SPPL3: variants seen among roughly 807,000 people sequenced by gnomAD.
SPPL3 encodes the protein signal peptide peptidase like 3, also known as signal peptide peptidase-like 3.
Under a neutral mutation model 42.4 loss-of-function variants are expected in SPPL3, and 5 were observed. The ratio of observed to expected loss-of-function variants is 0.12; its 90% CI spans 0.06 to 0.25. The LOEUF is 0.25. Ranked by LOEUF, SPPL3 falls within the 10% of genes least tolerant of loss-of-function variation. The pLI is 1.00. For missense variants in SPPL3, 235 were observed against 489.0 expected, an observed-to-expected ratio of 0.48 and a Z score of 4.90; for synonymous variants, 195 against 181.8, an observed-to-expected ratio of 1.07 and a Z score of -0.58.
chr12:120,840,972 A>G (rs1871807198), intron 1 of SPPL3, among the ~76,000 whole-genome samples: 1 of 152,110 alleles, frequency 6.6e-6, no homozygotes, highest in Non-Finnish European at 1.5e-5. Context: ...TAATAAATAA[A>G]TAACCATAGA....
intron 1 of SPPL3, among the ~76,000 whole-genome samples, chr12:120,854,396 T>A (rs1260366954): frequency 6.6e-6 from 1 of 152,224 alleles, no homozygotes; most frequent in Non-Finnish European, 1.5e-5. Context: ...AGTCTGATGC[T>A]AAGTAAATCT....
intron 1 of SPPL3, among the ~76,000 whole-genome samples, chr12:120,865,498 T>C (rs1359405750): frequency 2.6e-5 from 4 of 152,224 alleles, no homozygotes; most frequent in African/African-American, 9.6e-5. Context: ...ATGAAAGCTG[T>C]GAGGATTCAA....
chr12:120,775,901 T>C (rs925229088), intron 6 of SPPL3, among the ~76,000 whole-genome samples: 1 of 148,236 alleles, frequency 6.7e-6, no homozygotes, highest in Non-Finnish European at 1.5e-5. Context: ...AAACACTAAT[T>C]AAAAAAAAAA....
At chr12:120,869,631 G>A (rs184025124) in intron 1 of SPPL3, among the ~76,000 whole-genome samples, 11 of 152,286 alleles carry the variant, frequency 7.2e-5, no homozygotes, top group East Asian at 5.8e-4. Context: ...GGGTATATAT[G>A]ACTAGGTTGG....
intron 1 of SPPL3, among the ~76,000 whole-genome samples, chr12:120,814,949 G>GAT (rs1266373223): frequency 6.6e-6 from 1 of 152,170 alleles, no homozygotes; most frequent in Non-Finnish European, 1.5e-5. Context: ...ACATCAGCAT[G>GAT]ATAGTCCATT....
At chr12:120,847,676 C>T (rs759792810) in intron 1 of SPPL3, among the ~76,000 whole-genome samples, 2 of 151,952 alleles carry the variant, frequency 1.3e-5, no homozygotes, top group African/African-American at 4.8e-5. Context: ...AGTGACCCTC[C>T]CACCTTGGCT....
chr12:120,852,779 A>G (rs1249745926), intron 1 of SPPL3, among the ~76,000 whole-genome samples: 3 of 62,158 alleles, frequency 4.8e-5, no homozygotes, highest in Non-Finnish European at 6.5e-5. Context: ...TTATATATAA[A>G]ATATATTTCA....
chr12:120,812,087 G>A (rs1870700374), intron 1 of SPPL3, among the ~76,000 whole-genome samples: 1 of 142,938 alleles, frequency 7.0e-6, no homozygotes, highest in Admixed American at 7.4e-5. Flanking sequence ...CTGCTTAGCT[G>A]GCTTTGTACC....
At chr12:120,870,634 A>G (rs368140245) in intron 1 of SPPL3, among the ~76,000 whole-genome samples, 2 of 152,136 alleles carry the variant, frequency 1.3e-5, no homozygotes, top group South Asian at 4.1e-4. Context: ...ATACATTCAA[A>G]TATTACTCAG....
intron 1 of SPPL3, among the ~76,000 whole-genome samples, chr12:120,851,361 C>A (rs1056358416): frequency 3.3e-5 from 5 of 152,106 alleles, no homozygotes; most frequent in Admixed American, 1.3e-4. Context: ...ATAGTCCAAA[C>A]TGCAATCTAC....
intron 1 of SPPL3, among the ~76,000 whole-genome samples, chr12:120,867,339 T>C (rs1023090944): frequency 2.8e-4 from 42 of 152,172 alleles, no homozygotes; most frequent in African/African-American, 1.0e-3. Context: ...TGAATTTCTT[T>C]TGACATTAAG....
rs145370265 is a variant in SPPL3, at chr12:120,843,830, C to T, written c.24-32944G>A. ...AAAATTAGCCAGGCATGGTGGCACG[C>T]GCCTATAACCCCAGCTACCTGGGAG... On this transcript the variant is annotated intron_variant, in intron 1 of 10. Coordinates refer to ENST00000353487, the MANE Select transcript of SPPL3 (RefSeq NM_139015.5). Among the ~76,000 whole-genome samples, 957 of 152,194 alleles carry T rather than the reference C, an allele frequency of 6.3e-3. 13 individuals are homozygous for T. Among genetic ancestry groups the T allele is most frequent in the African/African-American group, 0.019 (807 of 41,544 alleles).
In SPPL3 at chr12:120,784,511, AAAG is replaced by A. The variant is rs1869650841; in HGVS notation, c.270_272del (p.Phe91del). On this transcript the variant is annotated inframe_deletion, in exon 4 of 11. Coordinates refer to ENST00000353487, the MANE Select transcript of SPPL3 (RefSeq NM_139015.5). ...TTGTAAAAACTACTTGAACTGAGTCAAAGAAGAAGAACATTACTAAAAGAGAGA... is the reference window on the plus strand; with the variant it reads ...TTGTAAAAACTACTTGAACTGAGTCAAAGAAGAACATTACTAAAAGAGAGA... The A allele has an allele frequency of 6.2e-7, 1 of 1,612,536 alleles. No homozygotes were observed. The highest frequency in any genetic ancestry group is 8.5e-7 in the Non-Finnish European group (1 of 1,178,730).
At chr12:120,845,455 C>T in intron 1 of SPPL3, 1 of 415,326 alleles carries the variant, frequency 2.4e-6, no homozygotes, top group Admixed American at 3.0e-5. Flanking sequence ...CCGCCCACGC[C>T]CCACACAGTG....
chr12:120,806,913 G>A (rs764281339), intron 2 of SPPL3, among the ~76,000 whole-genome samples: 47 of 151,640 alleles, frequency 3.1e-4, no homozygotes, highest in Admixed American at 1.2e-3. Flanking sequence ...CAATTTACCA[G>A]TTTCACATTT....
intron 1 of SPPL3, among the ~76,000 whole-genome samples, chr12:120,885,021 T>G (rs1179918129): frequency 1.3e-5 from 2 of 152,166 alleles, no homozygotes; most frequent in African/African-American, 2.4e-5. Context: ...CCAACTAATT[T>G]GGAGCTTAAT....
chr12:120,768,884 A>G (rs1869007554), intron 7 of SPPL3, 69 bp downstream of exon 7: 10 of 1,357,618 alleles, frequency 7.4e-6, no homozygotes, highest in Non-Finnish European at 1.0e-5. Flanking sequence ...TCTAGTTAAT[A>G]GTTTTCAGGC....
At chr12:120,902,947 C>T (rs1874029749) in intron 1 of SPPL3, among the ~76,000 whole-genome samples, 1 of 152,164 alleles carries the variant, frequency 6.6e-6, no homozygotes, top group Non-Finnish European at 1.5e-5. Context: ...CATGTTCCTT[C>T]CCCCAAACCC....
chr12:120,790,085 A>C (rs1307401186), intron 3 of SPPL3, among the ~76,000 whole-genome samples: 1 of 152,216 alleles, frequency 6.6e-6, no homozygotes, highest in East Asian at 1.9e-4. Context: ...TTTGGCTTAA[A>C]ATGTTGACAG....
Sources: gnomAD v4.1 joint callset for allele counts (sites outside exome capture counted in the v4.1 genomes callset) on GRCh38, gnomAD v4.1.1 for gene constraint, MANE v1.5 for transcripts, NCBI Gene and HGNC (gene_info 2026-07-23, HGNC 2026-07-21) for gene names.